Variants in ADRA1B observed in about 807,000 individuals in gnomAD.
ADRA1B encodes adrenoceptor alpha 1B.
ADRA1B carries 17 observed loss-of-function variants against 17.9 expected under a neutral mutation model. That is an observed-to-expected ratio of 0.95 (90% CI 0.65 to 1.42). The LOEUF (loss-of-function observed/expected upper bound fraction) is 1.42, where lower values mean the gene tolerates loss of function less well. ADRA1B is among the 40% of genes most tolerant of loss of function. The pLI is 0.00. For synonymous variants in ADRA1B, 366 were observed against 327.6 expected (o/e 1.12, Z -1.27); for missense variants, 681 against 722.1 (o/e 0.94, Z 0.65).
chr5:159,952,458 G>T (rs549080257), intron 1 of ADRA1B, among the ~76,000 whole-genome samples: 2 of 152,144 alleles, frequency 1.3e-5, no homozygotes, highest in Non-Finnish European at 2.9e-5. Context: ...CATGGATGGC[G>T]AAACTGTGGA....
intron 1 of ADRA1B, among the ~76,000 whole-genome samples, chr5:159,940,450 C>T (rs1755096039): frequency 6.6e-6 from 1 of 152,128 alleles, no homozygotes; most frequent in Non-Finnish European, 1.5e-5. Flanking sequence ...ATCACCCTTA[C>T]TCCTGATGTT....
At position 159,971,906 on chromosome 5, in the gene ADRA1B, C is replaced by G; in HGVS notation, c.977C>G (p.Pro326Arg). 5 of 1,268,894 alleles carry G rather than the reference C, an allele frequency of 3.9e-6. No homozygotes were observed. Among genetic ancestry groups the G allele is most frequent in the Non-Finnish European group, 5.0e-6 (5 of 991,278 alleles). 78.6% of individuals were successfully genotyped at this position (1,268,894 alleles called of 1,614,324 possible). Residue 326 changes from proline to arginine, a missense_variant, in exon 2 of 2, where the codon CCC becomes CGC. Transcript: ENST00000306675. Reference protein sequence around the residue: ...LGSLFSTLKPPDAVFKVVFWL... With the variant: ...LGSLFSTLKPRDAVFKVVFWL... ...TCCTTGTTCTCCACCCTGAAGCCCC[C>G]CGACGCCGTGTTCAAGGTGGTGTTC...
intron 1 of ADRA1B, among the ~76,000 whole-genome samples, chr5:159,882,112 G>C (rs79851074): frequency 0.014 from 2,151 of 152,270 alleles, 42 homozygotes; most frequent in African/African-American, 0.049. Flanking sequence ...TGTGTGCAGT[G>C]CTGAGGCTTA....
intron 1 of ADRA1B, chr5:159,869,458 T>C (rs1753707699): frequency 2.0e-5 from 3 of 152,370 alleles, no homozygotes; most frequent in Middle Eastern, 6.8e-3. Flanking sequence ...TTCAGTTTTA[T>C]GTAATGAAGA....
intron 1 of ADRA1B, chr5:159,947,882 C>T (rs1755320890): frequency 2.4e-5 from 24 of 985,328 alleles, no homozygotes; most frequent in Admixed American, 6.1e-5. Flanking sequence ...AGCTTAACCA[C>T]GTTAACATCT....
At chr5:159,920,711 T>G (rs190885030) in intron 1 of ADRA1B, among the ~76,000 whole-genome samples, 363 of 152,312 alleles carry the variant, frequency 2.4e-3, no homozygotes, top group Non-Finnish European at 3.2e-3. Flanking sequence ...TACTGTTTTC[T>G]TAATGATTCA....
At chr5:159,969,962 T>C (rs1430651875) in intron 1 of ADRA1B, among the ~76,000 whole-genome samples, 11 of 152,190 alleles carry the variant, frequency 7.2e-5, no homozygotes, top group Admixed American at 7.2e-4. Context: ...TTTATTCAAA[T>C]AGAATTTAGT....
intron 1 of ADRA1B, among the ~76,000 whole-genome samples, chr5:159,962,640 C>T (rs1581068730): frequency 6.6e-6 from 1 of 150,584 alleles, no homozygotes; most frequent in Non-Finnish European, 1.5e-5. Context: ...GGACCCAATA[C>T]GCACAGCATC....
intron 1 of ADRA1B, among the ~76,000 whole-genome samples, chr5:159,876,581 C>T (rs939044224): frequency 2.0e-5 from 3 of 152,168 alleles, no homozygotes; most frequent in African/African-American, 7.2e-5. Context: ...CTAGATTCAG[C>T]AGAGGGGGGT....
At chr5:159,896,633 T>C (rs73817241) in intron 1 of ADRA1B, among the ~76,000 whole-genome samples, 2,476 of 152,340 alleles carry the variant, frequency 0.016, 70 homozygotes, top group African/African-American at 0.057. Flanking sequence ...ATGAATTGCA[T>C]GTGAAGAGCA....
rs1401191363 is a variant in ADRA1B at position 159,971,862 on chromosome 5, C to G, written c.950-17C>G. Reference sequence around the variant, plus strand: ...TTGCTGTCTTTCTGCCCGTGCCCACCCCCCTCCCCACTGCAGGCTCCTTGT... The same window carrying G: ...TTGCTGTCTTTCTGCCCGTGCCCACGCCCCTCCCCACTGCAGGCTCCTTGT... On this transcript the variant is annotated splice_polypyrimidine_tract_variant and intron_variant, in intron 1 of 1. Coordinates refer to ENST00000306675, the MANE Select transcript of ADRA1B (RefSeq NM_000679.4). 2.9e-6 allele frequency: 1 copy of G among 344,942 alleles called. No homozygotes were observed. Among genetic ancestry groups the G allele is most frequent in the Non-Finnish European group, 5.0e-6 (1 of 199,784 alleles). 21.4% of individuals were successfully genotyped at this position (344,942 alleles called of 1,614,324 possible). A position where few individuals can be genotyped will look rare whatever the true frequency, so the allele number is the denominator to read the frequency against.
Position 159,971,910 on chromosome 5 carries a change from C to A in ADRA1B, c.981C>A (p.Asp327Glu). ...TGTTCTCCACCCTGAAGCCCCCCGA[C>A]GCCGTGTTCAAGGTGGTGTTCTGGC... ...GSLFSTLKPP[D>E]AVFKVVFWLG... Residue 327 changes from aspartate (D) to glutamate (E), a missense_variant, in exon 2 of 2, where the codon GAC (aspartate) becomes GAA (glutamate). This residue lies in a region of ADRA1B where 424 missense variants were observed against 480.2 expected (regional missense o/e 0.88). Coordinates refer to ENST00000306675, the MANE Select transcript of ADRA1B (RefSeq NM_000679.4). 1 of 1,230,058 alleles carries A rather than the reference C, an allele frequency of 8.1e-7. No individual in the cohort carries two copies. The highest frequency in any genetic ancestry group is 3.1e-5 in the Admixed American group (1 of 31,992). 76.2% of individuals were successfully genotyped at this position (1,230,058 alleles called of 1,614,324 possible). A position where few individuals can be genotyped will look rare whatever the true frequency, so the allele number is the denominator to read the frequency against.
At chr5:159,943,615 T>C (rs949892469) in intron 1 of ADRA1B, among the ~76,000 whole-genome samples, 1 of 152,130 alleles carries the variant, frequency 6.6e-6, no homozygotes, top group African/African-American at 2.4e-5. Context: ...GAAATTCTTT[T>C]ATGCTTGCTG....
chr5:159,953,763 CA>C (rs1182619474), intron 1 of ADRA1B, among the ~76,000 whole-genome samples: 1 of 152,152 alleles, frequency 6.6e-6, no homozygotes, highest in East Asian at 1.9e-4. Context: ...CAGATGCAGG[CA>C]TCTAAGAGAT....
At chr5:159,912,336 C>T (rs1754235312), upstream of ADRA1B, among the ~76,000 whole-genome samples, 1 of 152,218 alleles carries the variant, frequency 6.6e-6, no homozygotes, top group Non-Finnish European at 1.5e-5. Flanking sequence ...TCACTTCACT[C>T]TCCTGACCAG....
At chr5:159,902,290 T>C (rs1448498805) in intron 1 of ADRA1B, among the ~76,000 whole-genome samples, 1 of 152,166 alleles carries the variant, frequency 6.6e-6, no homozygotes, top group Non-Finnish European at 1.5e-5. Flanking sequence ...AGTAGTTGAA[T>C]TCATAGAAAC....
At chr5:159,879,638 C>T (rs543731960) in intron 1 of ADRA1B, among the ~76,000 whole-genome samples, 3 of 152,130 alleles carry the variant, frequency 2.0e-5, no homozygotes, top group Non-Finnish European at 4.4e-5. Flanking sequence ...GCAGTCCACA[C>T]GCATATGCAT....
In ADRA1B at chr5:159,941,493, G is replaced by A. The variant is rs550635716; in HGVS notation, c.949+23639G>A. 1.1e-4 allele frequency among the ~76,000 whole-genome samples: 17 copies of A among 152,272 alleles called. No homozygotes were observed. In the South Asian group the frequency reaches 3.5e-3, roughly 32 times the overall value. On this transcript the variant is annotated intron_variant, in intron 1 of 1. Coordinates refer to ENST00000306675, the MANE Select transcript of ADRA1B (RefSeq NM_000679.4). Reference sequence around the variant, plus strand: ...GTAGTTCCTCAAAAGTTAAACAAAGGGTTGCCTAATGACCCAGCAGTCCGA... The same window carrying A: ...GTAGTTCCTCAAAAGTTAAACAAAGAGTTGCCTAATGACCCAGCAGTCCGA...
the ADRA1B span, among the ~76,000 whole-genome samples, chr5:159,984,318 T>C: frequency 6.6e-6 from 1 of 152,266 alleles, no homozygotes; most frequent in East Asian, 1.9e-4. Flanking sequence ...TTTTGTTTCT[T>C]TCCCACAATG....
Sources: gnomAD v4.1 joint callset for allele counts (sites outside exome capture counted in the v4.1 genomes callset) on GRCh38, gnomAD v4.1.1 for gene constraint, gnomAD v4.1.1 regional missense constraint, MANE v1.5 for transcripts, NCBI Gene and HGNC (gene_info 2026-07-23, HGNC 2026-07-21) for gene names.